The following EFCAB14 variants were observed in gnomAD, a reference collection of about 807,000 sequenced individuals.
EFCAB14 encodes EF-hand calcium binding domain 14, also known as EF-hand calcium-binding domain-containing protein 14.
In EFCAB14, 43 loss-of-function variants were observed where a neutral mutation model predicts 56.5. That is an observed-to-expected ratio of 0.76 (90% CI 0.60 to 0.98). EFCAB14 has a LOEUF of 0.98. EFCAB14 is among the 50% of genes least tolerant of loss of function. The pLI, the probability that EFCAB14 is intolerant of heterozygous loss-of-function variation, is 0.00. For missense variants in EFCAB14, 538 were observed against 580.3 expected (o/e 0.93, Z 0.75); for synonymous variants, 235 against 212.9 (o/e 1.10, Z -0.90).
intron 4 of EFCAB14, 125 bp downstream of exon 4, chr1:46,696,426 T>G: frequency 4.3e-6 from 4 of 924,284 alleles, no homozygotes; most frequent in Non-Finnish European, 6.7e-6. Flanking sequence ...TACTGCCCTC[T>G]TGGAGCAGCT....
In EFCAB14 at chr1:46,676,152, C is replaced by T. The variant is rs1676691316; in HGVS notation, c.*2309G>A. 6.6e-6 allele frequency: 1 copy of T among 152,198 alleles called. No individual in the cohort carries two copies. The highest frequency in any genetic ancestry group is 2.4e-5 in the African/African-American group (1 of 41,450). 9.4% of individuals were successfully genotyped at this position (152,198 alleles called of 1,614,324 possible). A position where few individuals can be genotyped will look rare whatever the true frequency, so the allele number is the denominator to read the frequency against. ...CTGCTCAACTCAGAAGAAAGGAGTT[C>T]AAGATACCCTACTTTTGCCTGGAAG... On this transcript the variant is annotated 3_prime_UTR_variant, in exon 11 of 11. Transcript: ENST00000371933.
In EFCAB14 at chr1:46,698,839, G is replaced by A. The variant is rs559788334; in HGVS notation, c.481-2190C>T. 3.2e-4 allele frequency among the ~76,000 whole-genome samples: 48 copies of A among 152,302 alleles called. No homozygotes were observed. In the South Asian group the frequency reaches 9.1e-3, roughly 29 times the overall value. The stretch of plus-strand genomic sequence containing the variant: ...ATGGGTTTTACTTGAGGTGTGATAG[G>A]CAGGGGTGTGTAAGCAGGATAATTA... On this transcript the variant is annotated intron_variant, in intron 3 of 10. Transcript: ENST00000371933.
chr1:46,717,801 C>G (rs1226726909), intron 1 of EFCAB14, 102 bp downstream of exon 1: 1 of 1,324,410 alleles, frequency 7.6e-7, no homozygotes, highest in Non-Finnish European at 1.0e-6. Flanking sequence ...GGCCTACACC[C>G]TTTTTTCTTC....
At chr1:46,688,750 G>A (rs191523333) in intron 6 of EFCAB14, among the ~76,000 whole-genome samples, 50 of 152,294 alleles carry the variant, frequency 3.3e-4, no homozygotes, top group Middle Eastern at 6.8e-3. Context: ...AGACAGGAGG[G>A]GGAAAGAGGG....
intron 10 of EFCAB14, among the ~76,000 whole-genome samples, chr1:46,679,442 A>C (rs1676753021): frequency 6.6e-6 from 1 of 151,556 alleles, no homozygotes; most frequent in Non-Finnish European, 1.5e-5. Flanking sequence ...CTGGGATTAC[A>C]GGCGCCCGCC....
chr1:46,691,923 A>G lies in EFCAB14; in HGVS notation c.594T>C (p.Ile198=). The change falls in exon 5 of 11, where the codon ATT becomes ATC. Residue 198 remains isoleucine, a synonymous_variant. Transcript: ENST00000371933. ...GATGGACGCTGTTTAAAGTATTGCC[A>G]ATGGAAGCTACACTCTGAATGGAAA... The part of the protein sequence containing the change: ...VEGLQKSVAS[I]GNTLNSVHLA... 6 of 1,613,092 alleles carry G rather than the reference A, an allele frequency of 3.7e-6. No homozygotes were observed. Among genetic ancestry groups the G allele is most frequent in the Non-Finnish European group, 5.1e-6 (6 of 1,179,500 alleles).
intron 10 of EFCAB14, among the ~76,000 whole-genome samples, chr1:46,680,071 G>A (rs1405606933): frequency 6.6e-6 from 1 of 152,138 alleles, no homozygotes; most frequent in Non-Finnish European, 1.5e-5. Flanking sequence ...AAGCATTAGG[G>A]AGGATGTGGA....
chr1:46,675,582 G>C lies in EFCAB14; in HGVS notation c.*2879C>G, dbSNP rs892893405. On this transcript the variant is annotated 3_prime_UTR_variant, in exon 11 of 11. Coordinates refer to ENST00000371933, the MANE Select transcript of EFCAB14 (RefSeq NM_014774.3). ...CAACTGTGACCGGCAGGACCAGCAA[G>C]GGGGGGTGTTGAAGGGGTTATGAAC... The C allele has an allele frequency of 2.0e-5, 3 of 152,426 alleles. No individual in the cohort carries two copies. The highest frequency in any genetic ancestry group is 6.6e-5 in the Admixed American group (1 of 15,256). The allele number at this position is 152,426 out of a possible 1,614,324, so 9.4% of individuals were successfully genotyped here.
intron 3 of EFCAB14, among the ~76,000 whole-genome samples, chr1:46,699,000 G>C (rs1274805422): frequency 1.3e-5 from 2 of 152,302 alleles, no homozygotes; most frequent in East Asian, 3.9e-4. Flanking sequence ...GGTAGTAGCA[G>C]AAGTAGAGAT....
Position 46,684,607 on chromosome 1 carries a change from A to C in EFCAB14, c.1075-5T>G. 3 of 1,609,866 alleles carry C rather than the reference A, an allele frequency of 1.9e-6. No individual in the cohort carries two copies. Among genetic ancestry groups the C allele is most frequent in the Non-Finnish European group, 2.6e-6 (3 of 1,176,114 alleles). On this transcript the variant is annotated splice_region_variant and splice_polypyrimidine_tract_variant and intron_variant, in intron 8 of 10. Transcript: ENST00000371933. ...AGAATTTGAACTATCTTCTTTCTGCACAAAACAAAGATTATAGAAGGTTTA... is the reference window on the plus strand; with the variant it reads ...AGAATTTGAACTATCTTCTTTCTGCCCAAAACAAAGATTATAGAAGGTTTA...
Position 46,695,941 on chromosome 1 carries a change from A to G in EFCAB14, c.579+610T>C, listed in dbSNP as rs140981428. ...GTGATCCTCCTGGCTCAGCCTCCCAAAACGTTGGGATTACAGTCATGAGCT... is the reference window on the plus strand; with the variant it reads ...GTGATCCTCCTGGCTCAGCCTCCCAGAACGTTGGGATTACAGTCATGAGCT... On this transcript the variant is annotated intron_variant, in intron 4 of 10. Coordinates refer to ENST00000371933, the MANE Select transcript of EFCAB14 (RefSeq NM_014774.3). Among the ~76,000 whole-genome samples, 171 of 152,194 alleles carry G rather than the reference A, an allele frequency of 1.1e-3. 2 individuals carry two copies. The highest frequency in any genetic ancestry group is 3.9e-3 in the African/African-American group (162 of 41,534).
intron 5 of EFCAB14, among the ~76,000 whole-genome samples, chr1:46,690,047 T>C (rs554877721): frequency 3.9e-5 from 6 of 152,330 alleles, no homozygotes; most frequent in Admixed American, 3.3e-4. Context: ...ACCAACTCGG[T>C]CTCAACCTGG....
At chr1:46,698,050 G>A (rs1349337461) in intron 3 of EFCAB14, among the ~76,000 whole-genome samples, 3 of 151,896 alleles carry the variant, frequency 2.0e-5, no homozygotes, top group Non-Finnish European at 2.9e-5. Flanking sequence ...TAGGGGTTTC[G>A]CCATGTTGGC....
intron 3 of EFCAB14, among the ~76,000 whole-genome samples, chr1:46,699,236 ACT>A (rs1677119110): frequency 6.6e-6 from 1 of 152,186 alleles, no homozygotes. Context: ...CTCAAATTGG[ACT>A]CTGACAGAGA....
intron 1 of EFCAB14, among the ~76,000 whole-genome samples, chr1:46,716,811 T>C (rs3737729): frequency 0.38 from 58,477 of 152,170 alleles, 12,881 homozygotes; most frequent in Non-Finnish European, 0.5. Context: ...TGCCTATTGA[T>C]TTCTCTCTGA....
At chr1:46,715,456 G>A (rs1677373245) in intron 2 of EFCAB14, among the ~76,000 whole-genome samples, 1 of 152,106 alleles carries the variant, frequency 6.6e-6, no homozygotes, top group Non-Finnish European at 1.5e-5. Flanking sequence ...TTTGAGACTT[G>A]GCACAGAGTA....
chr1:46,700,986 A>AGTGAGTGAGTGAGTGTGTGTGTGTGT (rs145670885), intron 3 of EFCAB14, among the ~76,000 whole-genome samples: 45 of 142,934 alleles, frequency 3.1e-4, no homozygotes, highest in African/African-American at 1.0e-3. Flanking sequence ...AGAGTGAGTG[A>AGTGAGTGAGTGAGTGTGTGTGTGTGT]GTGTGTGTGT....
At chr1:46,717,839 A>T in intron 1 of EFCAB14, 64 bp downstream of exon 1, 1 of 1,530,958 alleles carries the variant, frequency 6.5e-7, no homozygotes, top group Non-Finnish European at 8.9e-7. Flanking sequence ...CCTTCCTGTC[A>T]ATGTGGCCCC....
At chr1:46,705,973 T>C (rs1451635324) in intron 3 of EFCAB14, among the ~76,000 whole-genome samples, 1 of 152,022 alleles carries the variant, frequency 6.6e-6, no homozygotes, top group African/African-American at 2.4e-5. Flanking sequence ...CAAGCAATCC[T>C]CCTGCTGCAG....
Sources: allele counts gnomAD v4.1 joint callset (sites outside exome capture counted in the v4.1 genomes callset), GRCh38; gene constraint gnomAD v4.1.1; transcripts MANE v1.5; gene names NCBI Gene and HGNC (gene_info 2026-07-23, HGNC 2026-07-21).